Variants in TAX1BP1 observed in about 807,000 individuals in gnomAD.
TAX1BP1 encodes Tax1 binding protein 1.
A neutral mutation model predicts 97.7 loss-of-function variants in TAX1BP1; 62 were observed. That is an observed-to-expected ratio of 0.63 (90% CI 0.52 to 0.78). TAX1BP1 has a LOEUF of 0.78. Among genes scored for constraint, TAX1BP1 ranks in the 30% least tolerant of loss-of-function variants. The probability of loss-of-function intolerance (pLI) is 0.00; values close to 1 mark genes in which losing one functional copy is unlikely to be tolerated. For missense variants in TAX1BP1, 867 were observed against 916.1 expected, an observed-to-expected ratio of 0.95 and a Z score of 0.69; for synonymous variants, 340 against 304.2, an observed-to-expected ratio of 1.12 and a Z score of -1.23.
intron 13 of TAX1BP1, among the ~76,000 whole-genome samples, chr7:27,809,283 A>T (rs1240668149): frequency 6.6e-6 from 1 of 152,254 alleles, no homozygotes; most frequent in Non-Finnish European, 1.5e-5. Context: ...TGAGATGGCT[A>T]CAACAAATGT....
intron 12 of TAX1BP1, 146 bp from the exon 13 acceptor site, chr7:27,799,819 C>CT (rs1407306502): frequency 1.3e-5 from 6 of 472,382 alleles, no homozygotes; most frequent in African/African-American, 1.2e-4. Flanking sequence ...ATCCAATTGT[C>CT]TATTAATAGA....
intron 5 of TAX1BP1, chr7:27,772,387 A>G (rs1374358611): frequency 6.6e-6 from 1 of 151,982 alleles, no homozygotes; most frequent in Non-Finnish European, 1.5e-5. Context: ...AATATCTGAA[A>G]GATTGTTCTG....
intron 2 of TAX1BP1, among the ~76,000 whole-genome samples, chr7:27,749,143 GT>G (rs1159375501): frequency 6.6e-6 from 1 of 152,104 alleles, no homozygotes; most frequent in African/African-American, 2.4e-5. Flanking sequence ...GTATTACACA[GT>G]TTTAAAGTAT....
chr7:27,795,641 C>T (rs1250232723), intron 11 of TAX1BP1, among the ~76,000 whole-genome samples: 1 of 152,098 alleles, frequency 6.6e-6, no homozygotes, highest in Non-Finnish European at 1.5e-5. Flanking sequence ...CAGCCTCTGC[C>T]TTCTGGGTTC....
intron 13 of TAX1BP1, among the ~76,000 whole-genome samples, chr7:27,808,256 A>C (rs1261982782): frequency 1.3e-5 from 2 of 152,210 alleles, no homozygotes; most frequent in Non-Finnish European, 2.9e-5. Flanking sequence ...ACAAAAAACT[A>C]TGAGTAAATA....
intron 2 of TAX1BP1, among the ~76,000 whole-genome samples, chr7:27,753,154 G>A (rs1176723186): frequency 1.3e-5 from 2 of 152,156 alleles, no homozygotes; most frequent in African/African-American, 4.8e-5. Flanking sequence ...ATAAAAATTA[G>A]CCGGGTGTGG....
At chr7:27,824,549 CAAAAAA>C (rs34757943) in intron 15 of TAX1BP1, among the ~76,000 whole-genome samples, 3 of 91,630 alleles carry the variant, frequency 3.3e-5, no homozygotes, top group African/African-American at 8.5e-5. Flanking sequence ...GACCTTGTCT[CAAAAAA>C]AAAAAAAAAA....
intron 2 of TAX1BP1, among the ~76,000 whole-genome samples, chr7:27,755,479 A>G (rs574718677): frequency 6.6e-6 from 1 of 151,950 alleles, no homozygotes; most frequent in East Asian, 1.9e-4. Context: ...TCCAGGATTT[A>G]TTATCTTGAT....
chr7:27,813,100 A>G (rs891676707), intron 13 of TAX1BP1, among the ~76,000 whole-genome samples: 3 of 150,128 alleles, frequency 2.0e-5, no homozygotes, highest in Non-Finnish European at 4.4e-5. Flanking sequence ...TAGCTTTATA[A>G]TACGTCTTGA....
At chr7:27,773,480 G>A (rs1788920754) in intron 5 of TAX1BP1, among the ~76,000 whole-genome samples, 1 of 152,004 alleles carries the variant, frequency 6.6e-6, no homozygotes, top group Non-Finnish European at 1.5e-5. Context: ...GTCCCAGACA[G>A]CCACTAATTG....
intron 4 of TAX1BP1, among the ~76,000 whole-genome samples, chr7:27,766,472 G>A: frequency 8.4e-6 from 1 of 119,200 alleles, no homozygotes; most frequent in South Asian, 2.6e-4. Flanking sequence ...AAAATCGAAT[G>A]CTTTTTAACT....
rs370318377 is a variant in TAX1BP1 at position 27,792,104 on chromosome 7, T to G, written c.1137T>G (p.Asp379Glu). 1.9e-6 allele frequency: 3 copies of G among 1,614,112 alleles called. No individual in the cohort carries two copies. The African/African-American group carries it at 4.0e-5, about 22-fold the overall frequency. Residue 379 changes from aspartate to glutamate, a missense_variant, in exon 9 of 17, where the codon GAT (aspartate) becomes GAG (glutamate). Transcript: ENST00000396319. Reference protein sequence around the residue: ...EVVFLAKELSDAVNVRDRTMA... With the variant: ...EVVFLAKELSEAVNVRDRTMA... ...TCTTTCTGGCTAAAGAACTCAGTGA[T>G]GCTGTCAACGTACGAGACAGAACGA...
At chr7:27,775,044 C>G (rs1788977613) in intron 5 of TAX1BP1, among the ~76,000 whole-genome samples, 1 of 152,038 alleles carries the variant, frequency 6.6e-6, no homozygotes, top group Non-Finnish European at 1.5e-5. Flanking sequence ...TTAAGATTGT[C>G]CTGATTACAA....
At chr7:27,763,969 A>G (rs1788527437) in intron 3 of TAX1BP1, among the ~76,000 whole-genome samples, 1 of 152,238 alleles carries the variant, frequency 6.6e-6, no homozygotes, top group Non-Finnish European at 1.5e-5. Flanking sequence ...TTAAAAATGT[A>G]TGTTGCCAGA....
chr7:27,814,397 A>G (rs1790683541), intron 13 of TAX1BP1, among the ~76,000 whole-genome samples: 1 of 152,002 alleles, frequency 6.6e-6, no homozygotes, highest in African/African-American at 2.4e-5. Context: ...TATTTTGTTA[A>G]TTTGTACAAA....
Position 27,793,120 on chromosome 7 carries a change from C to T in TAX1BP1, c.1318C>T (p.Leu440Phe), listed in dbSNP as rs755200023. The change falls in exon 10 of 17, where the codon CTC (leucine) becomes TTC (phenylalanine). Residue 440 changes from leucine (L) to phenylalanine (F), a missense_variant. By Grantham distance (22) the Leu-to-Phe change is conservative. This residue lies in a region of TAX1BP1 where 822 missense variants were observed against 851.4 expected (regional missense o/e 0.97). Coordinates refer to ENST00000396319, the MANE Select transcript of TAX1BP1 (RefSeq NM_006024.7). ...AAGAAGAGAAGTTGAAGATCTGAAA[C>T]TCCGTCTTCAGATGGCTGCAGACCA... ...ELRREVEDLK[L>F]RLQMAADHYK... 3.1e-6 allele frequency: 5 copies of T among 1,605,434 alleles called. No homozygotes were observed. The highest frequency in any genetic ancestry group is 4.5e-5 in the East Asian group (2 of 44,664).
chr7:27,744,696 C>T (rs1203996504), intron 1 of TAX1BP1, among the ~76,000 whole-genome samples: 1 of 152,086 alleles, frequency 6.6e-6, no homozygotes, highest in Non-Finnish European at 1.5e-5. Flanking sequence ...AAAAATACTA[C>T]CACAAAAGTC....
intron 13 of TAX1BP1, among the ~76,000 whole-genome samples, chr7:27,813,146 T>A (rs1021332519): frequency 2.1e-5 from 1 of 48,422 alleles, no homozygotes; most frequent in East Asian, 4.6e-4. Flanking sequence ...TTTGTTCTGC[T>A]TTTTTTTTTT....
At chr7:27,762,221 TA>T (rs1441968928) in intron 3 of TAX1BP1, among the ~76,000 whole-genome samples, 1 of 152,212 alleles carries the variant, frequency 6.6e-6, no homozygotes, top group Non-Finnish European at 1.5e-5. Flanking sequence ...GTTTTTTGGA[TA>T]AGGAAATGTT....
Sources: gnomAD v4.1 joint callset for allele counts (sites outside exome capture counted in the v4.1 genomes callset) on GRCh38, gnomAD v4.1.1 for gene constraint, gnomAD v4.1.1 regional missense constraint, MANE v1.5 for transcripts, NCBI Gene and HGNC (gene_info 2026-07-23, HGNC 2026-07-21) for gene names.